CPQ: variants seen among roughly 807,000 people sequenced by gnomAD.
CPQ encodes the protein Ser-Met dipeptidase.
In CPQ, 37 loss-of-function variants were observed where a neutral mutation model predicts 45.7. That is an observed-to-expected ratio of 0.81 (90% CI 0.62 to 1.07). The LOEUF is 1.07. Ranked by LOEUF, CPQ falls within the 50% of genes least tolerant of loss-of-function variation. CPQ has a pLI of 0.00. For synonymous variants in CPQ, 186 were observed against 205.8 expected (o/e 0.90, Z 0.82); for missense variants, 537 against 572.9 (o/e 0.94, Z 0.64).
intron 5 of CPQ, among the ~76,000 whole-genome samples, chr8:97,016,575 G>A (rs1437686714): frequency 6.6e-6 from 1 of 152,098 alleles, no homozygotes; most frequent in East Asian, 1.9e-4. Flanking sequence ...ATGGTCTAAT[G>A]GGAAGATCAA....
intron 5 of CPQ, among the ~76,000 whole-genome samples, chr8:96,995,433 C>T (rs1343674927): frequency 1.3e-5 from 2 of 151,786 alleles, no homozygotes; most frequent in Non-Finnish European, 2.9e-5. Context: ...GCAGAAGAAG[C>T]TGATTTATGT....
intron 1 of CPQ, among the ~76,000 whole-genome samples, chr8:96,730,422 A>T (rs1028840068): frequency 6.6e-6 from 1 of 152,138 alleles, no homozygotes; most frequent in Non-Finnish European, 1.5e-5. Flanking sequence ...TATTTGGGAT[A>T]AACAACTGCA....
chr8:96,910,240 GC>G lies in CPQ; in HGVS notation c.849+30238del, dbSNP rs573333316. ...TTGGTCCAGAGAGGTTAAATGCCTT[GC>G]CCAATATGATACATCTAGTTCAGGG... On this transcript the variant is annotated intron_variant, in intron 4 of 7. Transcript: ENST00000220763. 2.4e-3 allele frequency among the ~76,000 whole-genome samples: 372 copies of G among 152,182 alleles called. 1 individual carries two copies. Among genetic ancestry groups the G allele is most frequent in the Admixed American group, 5.3e-3 (81 of 15,270 alleles).
chr8:96,915,015 A>G (rs11991731), intron 4 of CPQ, among the ~76,000 whole-genome samples: 1 of 152,112 alleles, frequency 6.6e-6, no homozygotes, highest in Non-Finnish European at 1.5e-5. Flanking sequence ...ATCATAAAAG[A>G]TGGATTGTGA....
At chr8:97,055,025 A>G (rs1810428019) in intron 6 of CPQ, among the ~76,000 whole-genome samples, 1 of 149,884 alleles carries the variant, frequency 6.7e-6, no homozygotes, top group Non-Finnish European at 1.5e-5. Context: ...GGAAAATAAT[A>G]GTTACCCTCT....
intron 1 of CPQ, among the ~76,000 whole-genome samples, chr8:96,779,109 T>C (rs1810653037): frequency 6.7e-6 from 1 of 150,202 alleles, no homozygotes; most frequent in South Asian, 2.1e-4. Flanking sequence ...ACGAGTGACA[T>C]ACATGCAAAA....
At chr8:96,709,531 C>T (rs1332323214) in intron 1 of CPQ, among the ~76,000 whole-genome samples, 3 of 152,084 alleles carry the variant, frequency 2.0e-5, no homozygotes, top group Non-Finnish European at 4.4e-5. Flanking sequence ...TATACCTTTA[C>T]AATTTTGAAC....
At chr8:96,858,600 C>T (rs1228542756) in intron 3 of CPQ, among the ~76,000 whole-genome samples, 1 of 152,186 alleles carries the variant, frequency 6.6e-6, no homozygotes, top group Non-Finnish European at 1.5e-5. Context: ...CAGTCTCTCT[C>T]CTGCCCTTTC....
intron 1 of CPQ, among the ~76,000 whole-genome samples, chr8:96,711,215 C>G (rs954245366): frequency 3.9e-5 from 6 of 152,150 alleles, no homozygotes; most frequent in Middle Eastern, 3.4e-3. Flanking sequence ...TTATTAGAAC[C>G]CTTACATTTA....
At chr8:96,661,819 G>A (rs913559781) in intron 1 of CPQ, among the ~76,000 whole-genome samples, 2 of 152,178 alleles carry the variant, frequency 1.3e-5, no homozygotes, top group African/African-American at 4.8e-5. Context: ...TGCCATTGCT[G>A]GATTGTATGT....
chr8:96,919,134 T>C (rs1432983028), intron 4 of CPQ, among the ~76,000 whole-genome samples: 2 of 152,030 alleles, frequency 1.3e-5, no homozygotes, highest in African/African-American at 2.4e-5. Flanking sequence ...TTCGCCTTTT[T>C]TTTTGTGCTG....
intron 1 of CPQ, among the ~76,000 whole-genome samples, chr8:96,736,071 A>G (rs1490741347): frequency 6.6e-6 from 1 of 151,902 alleles, no homozygotes; most frequent in East Asian, 1.9e-4. Flanking sequence ...GTATCGTTTG[A>G]AGAGAAATGG....
At chr8:97,013,332 C>A (rs1048600734) in intron 5 of CPQ, among the ~76,000 whole-genome samples, 1 of 152,066 alleles carries the variant, frequency 6.6e-6, no homozygotes, top group Non-Finnish European at 1.5e-5. Context: ...ATTTAATGTT[C>A]AAAAATATCC....
At chr8:96,850,911 A>C (rs1409869080) in intron 3 of CPQ, among the ~76,000 whole-genome samples, 1 of 151,568 alleles carries the variant, frequency 6.6e-6, no homozygotes, top group Non-Finnish European at 1.5e-5. Context: ...GCCGCTTTTT[A>C]TCTTTAATTG....
At chr8:96,740,858 G>A (rs897808562) in intron 1 of CPQ, among the ~76,000 whole-genome samples, 83 of 152,052 alleles carry the variant, frequency 5.5e-4, no homozygotes, top group Non-Finnish European at 9.6e-4. Flanking sequence ...TGCTGGATTC[G>A]GTTTGCTAGT....
intron 5 of CPQ, among the ~76,000 whole-genome samples, chr8:96,979,523 C>T (rs1456351085): frequency 6.6e-6 from 1 of 152,182 alleles, no homozygotes; most frequent in Non-Finnish European, 1.5e-5. Flanking sequence ...CGCTTCTCTG[C>T]ATCATGCTAA....
intron 7 of CPQ, among the ~76,000 whole-genome samples, chr8:97,066,659 C>G (rs1465037190): frequency 2.0e-5 from 3 of 152,100 alleles, no homozygotes; most frequent in Non-Finnish European, 4.4e-5. Flanking sequence ...TATTAAAACA[C>G]TGTGGTATCT....
chr8:96,698,255 G>A (rs1809412297), intron 1 of CPQ, among the ~76,000 whole-genome samples: 1 of 152,044 alleles, frequency 6.6e-6, no homozygotes, highest in Non-Finnish European at 1.5e-5. Context: ...GGAAAGAACA[G>A]TCTCTTCAAT....
At chr8:96,765,007 T>G (rs1342673528) in intron 1 of CPQ, among the ~76,000 whole-genome samples, 1 of 152,242 alleles carries the variant, frequency 6.6e-6, no homozygotes. Flanking sequence ...CCTGCCTTTG[T>G]TAAAATCTGT....
Sources: gnomAD v4.1 joint callset for allele counts (sites outside exome capture counted in the v4.1 genomes callset) on GRCh38, gnomAD v4.1.1 for gene constraint, MANE v1.5 for transcripts, NCBI Gene and HGNC (gene_info 2026-07-23, HGNC 2026-07-21) for gene names.